Variants in DYRK1A observed in about 807,000 individuals in gnomAD.
DYRK1A encodes the protein dual specificity tyrosine phosphorylation regulated kinase 1A.
Under a neutral mutation model 79.7 loss-of-function variants are expected in DYRK1A, and 9 were observed. The ratio of observed to expected loss-of-function variants is 0.11; its 90% confidence interval spans 0.07 to 0.20. The LOEUF is 0.20. Among genes scored for constraint, DYRK1A ranks in the 10% least tolerant of loss-of-function variants. The probability of loss-of-function intolerance (pLI) is 1.00; values close to 1 mark genes in which losing one functional copy is unlikely to be tolerated. For missense variants in DYRK1A, 622 were observed against 956.0 expected, an observed-to-expected ratio of 0.65 and a Z score of 4.61; for synonymous variants, 349 against 329.7, an observed-to-expected ratio of 1.06 and a Z score of -0.63.
At chr21:37,436,661 G>C (rs2050933524) in intron 2 of DYRK1A, among the ~76,000 whole-genome samples, 1 of 152,124 alleles carries the variant, frequency 6.6e-6, no homozygotes, top group African/African-American at 2.4e-5. Context: ...CTTTATTTAA[G>C]AGCATAGTAA....
intron 1 of DYRK1A, among the ~76,000 whole-genome samples, chr21:37,394,008 C>G (rs1043501014): frequency 6.6e-5 from 10 of 152,048 alleles, no homozygotes; most frequent in Non-Finnish European, 5.9e-5. Flanking sequence ...CAGGCCAGCC[C>G]AGATTCAGGG....
intron 5 of DYRK1A, among the ~76,000 whole-genome samples, chr21:37,483,349 G>T (rs1274324248): frequency 6.6e-6 from 1 of 152,166 alleles, no homozygotes; most frequent in Non-Finnish European, 1.5e-5. Context: ...GCAGCCACAG[G>T]TCTAAATCCA....
At chr21:37,486,421 ATT>A in intron 5 of DYRK1A, 44 bp from the exon 6 acceptor site, 2 of 1,362,854 alleles carry the variant, frequency 1.5e-6, no homozygotes, top group Non-Finnish European at 1.9e-6. Context: ...TTATTGTGAA[ATT>A]TTTGCAATTA....
At chr21:37,399,982 G>T (rs1416968216) in intron 1 of DYRK1A, among the ~76,000 whole-genome samples, 2 of 152,184 alleles carry the variant, frequency 1.3e-5, no homozygotes, top group South Asian at 2.1e-4. Flanking sequence ...TAAAACAACA[G>T]AAATTTATTC....
At chr21:37,470,228 A>AT (rs1479870954) in intron 2 of DYRK1A, among the ~76,000 whole-genome samples, 1 of 152,128 alleles carries the variant, frequency 6.6e-6, no homozygotes, top group Admixed American at 6.5e-5. Context: ...TGTTGGTTAG[A>AT]AAGGGTCATA....
intron 1 of DYRK1A, among the ~76,000 whole-genome samples, chr21:37,391,686 C>G (rs2049873105): frequency 6.6e-6 from 1 of 152,180 alleles, no homozygotes; most frequent in South Asian, 2.1e-4. Flanking sequence ...GGAATGAAGA[C>G]AAATTTATTA....
intron 2 of DYRK1A, among the ~76,000 whole-genome samples, chr21:37,471,179 T>G (rs1601195113): frequency 2.0e-5 from 3 of 152,328 alleles, no homozygotes; most frequent in Middle Eastern, 6.8e-3. Flanking sequence ...GAATCTGTTT[T>G]GGTAATCTTA....
At chr21:37,384,498 A>G (rs1330430669) in intron 1 of DYRK1A, among the ~76,000 whole-genome samples, 1 of 152,198 alleles carries the variant, frequency 6.6e-6, no homozygotes, top group African/African-American at 2.4e-5. Context: ...AAAAAAGCTT[A>G]AAAGCAAGCC....
chr21:37,458,572 C>T (rs1211797738), intron 2 of DYRK1A, among the ~76,000 whole-genome samples: 1 of 152,028 alleles, frequency 6.6e-6, no homozygotes, highest in Non-Finnish European at 1.5e-5. Flanking sequence ...GATGAATCCT[C>T]TTATTTCATG....
chr21:37,372,277 CAAAAAACAAAACAAAACA>C (rs1005451305), intron 1 of DYRK1A, among the ~76,000 whole-genome samples: 1 of 105,048 alleles, frequency 9.5e-6, no homozygotes, highest in Non-Finnish European at 2.0e-5. Flanking sequence ...AACCCTGTCT[CAAAAAACAAAACAAAACA>C]AAAAAAAAAC....
rs1418165459 is a variant in DYRK1A at position 37,390,458 on chromosome 21, T to C, written c.-77+22830T>C. Among the ~76,000 whole-genome samples, 3 of 152,250 alleles carry C rather than the reference T, an allele frequency of 2.0e-5. No individual in the cohort carries two copies. The East Asian group carries it at 5.8e-4, about 29-fold the overall frequency. On this transcript the variant is annotated intron_variant, in intron 1 of 11. Coordinates refer to ENST00000647188, the MANE Select transcript of DYRK1A (RefSeq NM_001347721.2). ...AAGTAGCAGTTTAACATGGAGACATTACTGCTATCTAATCCATATGACTCC... is the reference window on the plus strand; with the variant it reads ...AAGTAGCAGTTTAACATGGAGACATCACTGCTATCTAATCCATATGACTCC...
At chr21:37,465,434 T>G (rs1251032938) in intron 2 of DYRK1A, among the ~76,000 whole-genome samples, 1 of 152,224 alleles carries the variant, frequency 6.6e-6, no homozygotes, top group Admixed American at 6.5e-5. Flanking sequence ...AGACTATAAC[T>G]TATTTTTGGA....
chr21:37,401,307 G>A (rs1374241836), intron 1 of DYRK1A, among the ~76,000 whole-genome samples: 1 of 152,062 alleles, frequency 6.6e-6, no homozygotes, highest in Non-Finnish European at 1.5e-5. Flanking sequence ...GGTGCCAGTG[G>A]AAAGTTTTCA....
rs527795626 is a variant in DYRK1A at position 37,438,585 on chromosome 21, C to T, written c.10+18201C>T. Among the ~76,000 whole-genome samples, 120 of 152,290 alleles carry T rather than the reference C, an allele frequency of 7.9e-4. 2 individuals carry two copies. In the South Asian group the frequency reaches 0.024, roughly 31 times the overall value. On this transcript the variant is annotated intron_variant, in intron 2 of 11. Transcript: ENST00000647188. Reference sequence around the variant, plus strand: ...TAGAACCATTTGTCAAAAGGACTGTCCTTTCTCCACTGAATTGCCTTTGCA... The same window carrying T: ...TAGAACCATTTGTCAAAAGGACTGTTCTTTCTCCACTGAATTGCCTTTGCA...
intron 6 of DYRK1A, 69 bp downstream of exon 6, chr21:37,486,683 C>A: frequency 7.5e-7 from 1 of 1,325,426 alleles, no homozygotes; most frequent in African/African-American, 1.5e-5. Flanking sequence ...TGGTTCTTTT[C>A]TATCAAAATA....
chr21:37,407,695 TATC>T (rs552121601), intron 1 of DYRK1A, among the ~76,000 whole-genome samples: 1 of 152,240 alleles, frequency 6.6e-6, no homozygotes, highest in Non-Finnish European at 1.5e-5. Flanking sequence ...ATCTCTTAGA[TATC>T]ATGAAGAATG....
intron 2 of DYRK1A, among the ~76,000 whole-genome samples, chr21:37,454,915 T>C (rs1358032829): frequency 6.6e-6 from 1 of 152,184 alleles, no homozygotes; most frequent in African/African-American, 2.4e-5. Flanking sequence ...CTTATCTCTT[T>C]GCTTTTGGGA....
intron 4 of DYRK1A, among the ~76,000 whole-genome samples, chr21:37,479,574 A>G (rs922419741): frequency 8.0e-6 from 1 of 125,764 alleles, no homozygotes; most frequent in Non-Finnish European, 1.7e-5. Context: ...TACTAGTCTT[A>G]GAAACAGTGT....
intron 2 of DYRK1A, among the ~76,000 whole-genome samples, chr21:37,457,397 TTGTGTG>T (rs908761225): frequency 4.0e-5 from 6 of 151,108 alleles, no homozygotes; most frequent in African/African-American, 7.3e-5. Context: ...GATCGCCTAA[TTGTGTG>T]TGTGTGTGTG....
Sources: gnomAD v4.1 joint callset for allele counts (sites outside exome capture counted in the v4.1 genomes callset) on GRCh38, gnomAD v4.1.1 for gene constraint, MANE v1.5 for transcripts, NCBI Gene and HGNC (gene_info 2026-07-23, HGNC 2026-07-21) for gene names.